The following KCNT2 variants were observed in gnomAD, a reference collection of about 807,000 sequenced individuals.
The protein encoded by KCNT2 is potassium channel subfamily T member 2.
A neutral mutation model predicts 153.8 loss-of-function variants in KCNT2; 67 were observed. That is an observed-to-expected ratio of 0.44 (90% CI 0.36 to 0.53). The LOEUF (loss-of-function observed/expected upper bound fraction) is 0.53. Ranked by LOEUF, KCNT2 falls within the 20% of genes least tolerant of loss-of-function variation. The pLI is 0.00. For synonymous variants in KCNT2, 500 were observed against 458.8 expected, an observed-to-expected ratio of 1.09 and a Z score of -1.15; for missense variants, 975 against 1,354.8, an observed-to-expected ratio of 0.72 and a Z score of 4.40.
chr1:196,419,595 T>G (rs111995359), intron 12 of KCNT2, among the ~76,000 whole-genome samples: 8,696 of 151,722 alleles, frequency 0.057, 380 homozygotes, highest in Non-Finnish European at 0.085. Context: ...GTTGGACATT[T>G]GGGTTGGTTC....
chr1:196,559,411 G>A (rs962701848), intron 1 of KCNT2, among the ~76,000 whole-genome samples: 1 of 151,548 alleles, frequency 6.6e-6, no homozygotes, highest in Non-Finnish European at 1.5e-5. Context: ...TATTTCGATT[G>A]TTTCCAGTTT....
intron 13 of KCNT2, among the ~76,000 whole-genome samples, chr1:196,377,090 T>A (rs1191738292): frequency 1.3e-5 from 2 of 151,920 alleles, no homozygotes; most frequent in Non-Finnish European, 2.9e-5. Context: ...GGATTGGAGA[T>A]GACAGAGGAG....
chr1:196,308,159 CT>C (rs144106834), intron 21 of KCNT2, among the ~76,000 whole-genome samples: 13,215 of 151,920 alleles, frequency 0.087, 777 homozygotes, highest in South Asian at 0.16. Context: ...GTCTTTTCCT[CT>C]TTTTTTTCTC....
At chr1:196,593,459 T>C (rs912588880) in intron 1 of KCNT2, among the ~76,000 whole-genome samples, 1 of 151,892 alleles carries the variant, frequency 6.6e-6, no homozygotes, top group Non-Finnish European at 1.5e-5. Flanking sequence ...TGAACATGCA[T>C]GTGCAAGTAT....
At chr1:196,443,351 C>T (rs1675410058) in intron 8 of KCNT2, among the ~76,000 whole-genome samples, 1 of 151,290 alleles carries the variant, frequency 6.6e-6, no homozygotes, top group Non-Finnish European at 1.5e-5. Context: ...TATTTGTAAC[C>T]ACAAATGTAA....
At chr1:196,421,756 G>A (rs1673222694) in intron 12 of KCNT2, among the ~76,000 whole-genome samples, 1 of 152,044 alleles carries the variant, frequency 6.6e-6, no homozygotes, top group South Asian at 2.1e-4. Flanking sequence ...ACAACAGAAT[G>A]TTATTGTCTC....
At chr1:196,257,216 G>A in intron 26 of KCNT2, 1 of 983,156 alleles carries the variant, frequency 1.0e-6, no homozygotes, top group Non-Finnish European at 1.2e-6. Context: ...AGTTCCTGGA[G>A]TAGCACACAT....
chr1:196,300,406 C>A (rs987316738), intron 22 of KCNT2, among the ~76,000 whole-genome samples: 1 of 152,132 alleles, frequency 6.6e-6, no homozygotes, highest in Non-Finnish European at 1.5e-5. Context: ...GAGAAAATAG[C>A]AGCAGCAGGA....
chr1:196,281,486 G>A (rs997341146), intron 24 of KCNT2, among the ~76,000 whole-genome samples: 1 of 152,102 alleles, frequency 6.6e-6, no homozygotes, highest in African/African-American at 2.4e-5. Flanking sequence ...GCACCATACT[G>A]ACTTGTTCCA....
intron 1 of KCNT2, among the ~76,000 whole-genome samples, chr1:196,597,362 C>A (rs1382611117): frequency 6.6e-6 from 1 of 151,204 alleles, no homozygotes; most frequent in Non-Finnish European, 1.5e-5. Flanking sequence ...CAATCTGTAA[C>A]CTCACGTACT....
chr1:196,446,688 G>C (rs1430024282), intron 8 of KCNT2, among the ~76,000 whole-genome samples: 1 of 151,498 alleles, frequency 6.6e-6, no homozygotes, highest in East Asian at 1.9e-4. Flanking sequence ...TTACCTACAA[G>C]TACTTTGTTT....
rs367811119 is a variant in KCNT2 at position 196,340,544 on chromosome 1, C to G, written c.1580G>C (p.Arg527Thr). 6 of 1,588,970 alleles carry G rather than the reference C, an allele frequency of 3.8e-6. No individual in the cohort carries two copies. The highest frequency in any genetic ancestry group is 5.1e-6 in the Non-Finnish European group (6 of 1,169,196). ...KKFGVCLIGV[R>T]REDNKNILLN... Reference sequence around the variant, plus strand: ...CAAAATGTTTTTATTATCCTCCCTCCTAACACCAATCAAGCAGACGCCAAA... The same window carrying G: ...CAAAATGTTTTTATTATCCTCCCTCGTAACACCAATCAAGCAGACGCCAAA... The change falls in exon 16 of 28, where the codon AGG (arginine) becomes ACG (threonine). Residue 527 changes from arginine to threonine, a missense_variant. Transcript: ENST00000294725.
At chr1:196,572,424 A>T in intron 1 of KCNT2, among the ~76,000 whole-genome samples, 1 of 152,118 alleles carries the variant, frequency 6.6e-6, no homozygotes. Context: ...AACAACACAC[A>T]AAAAGGAAAC....
At chr1:196,264,604 AAT>A (rs1378242449) in intron 25 of KCNT2, among the ~76,000 whole-genome samples, 1 of 151,910 alleles carries the variant, frequency 6.6e-6, no homozygotes. Context: ...CTCCAGCCCC[AAT>A]ATATATATTT....
At chr1:196,361,224 C>T (rs1667594633) in intron 14 of KCNT2, among the ~76,000 whole-genome samples, 2 of 151,880 alleles carry the variant, frequency 1.3e-5, no homozygotes, top group Non-Finnish European at 2.9e-5. Context: ...CACACACACA[C>T]AAAGCATCCT....
At chr1:196,445,802 G>A (rs1399576361) in intron 8 of KCNT2, among the ~76,000 whole-genome samples, 1 of 151,262 alleles carries the variant, frequency 6.6e-6, no homozygotes, top group South Asian at 2.1e-4. Context: ...AGGAAGCTGA[G>A]CAGTCCATGA....
intron 1 of KCNT2, among the ~76,000 whole-genome samples, chr1:196,601,939 C>T (rs1411553769): frequency 6.6e-6 from 1 of 152,020 alleles, no homozygotes; most frequent in Non-Finnish European, 1.5e-5. Flanking sequence ...TATTTACTAT[C>T]TCACAATGTT....
intron 1 of KCNT2, among the ~76,000 whole-genome samples, chr1:196,576,426 A>C (rs976028956): frequency 6.6e-6 from 1 of 152,132 alleles, no homozygotes; most frequent in Non-Finnish European, 1.5e-5. Flanking sequence ...AGTAGCTAGA[A>C]AAACATTCCA....
chr1:196,546,023 T>C (rs1219764999), intron 1 of KCNT2, among the ~76,000 whole-genome samples: 2 of 152,064 alleles, frequency 1.3e-5, no homozygotes, highest in Non-Finnish European at 2.9e-5. Context: ...TCCATTTCTC[T>C]TGAGTATATA....
Sources: gnomAD v4.1 joint callset for allele counts (sites outside exome capture counted in the v4.1 genomes callset) on GRCh38, gnomAD v4.1.1 for gene constraint, MANE v1.5 for transcripts, NCBI Gene and HGNC (gene_info 2026-07-23, HGNC 2026-07-21) for gene names.